RAB6A: variants seen among roughly 807,000 people sequenced by gnomAD.
RAB6A encodes RAB6A, member RAS oncogene family.
Under a neutral mutation model 32.3 loss-of-function variants are expected in RAB6A, and 8 were observed. The observed-to-expected ratio is 0.25, with a 90% CI of 0.15 to 0.45. RAB6A has a LOEUF of 0.45. Ranked by LOEUF, RAB6A falls within the 20% of genes least tolerant of loss-of-function variation. RAB6A has a pLI of 1.00. For missense variants in RAB6A, 104 were observed against 249.4 expected, an observed-to-expected ratio of 0.42 and a Z score of 3.93; for synonymous variants, 73 against 82.1, an observed-to-expected ratio of 0.89 and a Z score of 0.60.
chr11:73,689,895 C>CAAAA (rs5792626), intron 6 of RAB6A, among the ~76,000 whole-genome samples: 6 of 60,914 alleles, frequency 9.8e-5, no homozygotes, highest in Admixed American at 1.8e-4. Context: ...GACTCCGTCT[C>CAAAA]AAAAAAAAAA....
intron 2 of RAB6A, chr11:73,722,336 TATATA>T (rs1946152383): frequency 3.6e-4 from 3 of 8,420 alleles, no homozygotes; most frequent in African/African-American, 1.2e-3. Context: ...TATATATATA[TATATA>T]TATTTTTTTT....
At chr11:73,692,376 G>C (rs374619967) in intron 6 of RAB6A, among the ~76,000 whole-genome samples, 1 of 151,442 alleles carries the variant, frequency 6.6e-6, no homozygotes, top group South Asian at 2.1e-4. Context: ...GGTGGCAGGC[G>C]CCTGTAGTCC....
chr11:73,745,788 C>T (rs905516694), intron 1 of RAB6A, among the ~76,000 whole-genome samples: 8 of 152,044 alleles, frequency 5.3e-5, no homozygotes, highest in Non-Finnish European at 1.2e-4. Flanking sequence ...GCCAAGATCA[C>T]TCCACTGGAC....
chr11:73,738,758 A>G (rs930066230), intron 1 of RAB6A, among the ~76,000 whole-genome samples: 1 of 152,158 alleles, frequency 6.6e-6, no homozygotes, highest in Non-Finnish European at 1.5e-5. Context: ...CAGCCTGGGC[A>G]ACATGGCAAA....
intron 1 of RAB6A, among the ~76,000 whole-genome samples, chr11:73,735,913 C>T (rs1590876721): frequency 1.1e-5 from 1 of 94,868 alleles, no homozygotes; most frequent in South Asian, 4.2e-4. Context: ...GAATCCCAAC[C>T]TTGCCTTAAA....
intron 5 of RAB6A, among the ~76,000 whole-genome samples, chr11:73,714,665 A>G (rs1021816399): frequency 6.8e-6 from 1 of 147,272 alleles, no homozygotes; most frequent in Non-Finnish European, 1.5e-5. Flanking sequence ...CCAACTCAAA[A>G]ATAAATAAAT....
intron 6 of RAB6A, among the ~76,000 whole-genome samples, chr11:73,701,951 G>C (rs1180372764): frequency 6.6e-6 from 1 of 152,076 alleles, no homozygotes; most frequent in Non-Finnish European, 1.5e-5. Context: ...CAGCCCACGA[G>C]GGACAGTTCT....
chr11:73,755,916 G>A (rs574464835), intron 1 of RAB6A, among the ~76,000 whole-genome samples: 2 of 150,498 alleles, frequency 1.3e-5, no homozygotes, highest in African/African-American at 4.9e-5. Flanking sequence ...AAGAGGAGGA[G>A]GAGAAAGAAG....
chr11:73,716,213 G>A (rs926665890), intron 5 of RAB6A, 38 bp downstream of exon 5: 5 of 1,447,330 alleles, frequency 3.5e-6, no homozygotes, highest in African/African-American at 2.8e-5. Flanking sequence ...CTGCATCACA[G>A]AAATCAAACA....
intron 5 of RAB6A, among the ~76,000 whole-genome samples, chr11:73,708,850 C>G (rs1439466368): frequency 6.6e-6 from 1 of 152,126 alleles, no homozygotes; most frequent in Non-Finnish European, 1.5e-5. Context: ...AAGAGTTGTC[C>G]TTATTCTCAA....
At position 73,760,765 on chromosome 11, in the gene RAB6A, G is replaced by A; in HGVS notation, c.-130C>T. 7.6e-7 allele frequency: 1 copy of A among 1,308,816 alleles called. No homozygotes were observed. Among genetic ancestry groups the A allele is most frequent in the Non-Finnish European group, 1.1e-6 (1 of 951,428 alleles). 81.1% of individuals were successfully genotyped at this position (1,308,816 alleles called of 1,614,324 possible). On this transcript the variant is annotated 5_prime_UTR_variant, in exon 1 of 8. Coordinates refer to ENST00000336083, the MANE Select transcript of RAB6A (RefSeq NM_198896.2). ...TCTCTCGGCCCCTGCAAGGCCCGGT[G>A]GAGGAGCCCGGCTGGAGGGCAGCAG...
intron 2 of RAB6A, among the ~76,000 whole-genome samples, chr11:73,723,814 A>C (rs1276789034): frequency 6.6e-6 from 1 of 152,198 alleles, no homozygotes; most frequent in Admixed American, 6.5e-5. Flanking sequence ...AACCAGGAAA[A>C]GGACAATAAA....
At chr11:73,680,225 GA>G (rs1202618172) in intron 6 of RAB6A, among the ~76,000 whole-genome samples, 2 of 152,224 alleles carry the variant, frequency 1.3e-5, no homozygotes, top group African/African-American at 4.8e-5. Flanking sequence ...TAACTGGTGG[GA>G]TAAGACAAAA....
chr11:73,746,437 G>C (rs1028330103), intron 1 of RAB6A, among the ~76,000 whole-genome samples: 1 of 151,982 alleles, frequency 6.6e-6, no homozygotes, highest in African/African-American at 2.4e-5. Flanking sequence ...TTGAGCCCAG[G>C]GGTTCAAAGT....
chr11:73,695,659 C>T (rs1277559376), intron 6 of RAB6A, among the ~76,000 whole-genome samples: 5 of 152,146 alleles, frequency 3.3e-5, no homozygotes, highest in Admixed American at 6.5e-5. Context: ...GGATTACAGG[C>T]GTGAGCCACT....
intron 1 of RAB6A, among the ~76,000 whole-genome samples, chr11:73,732,246 T>C (rs1049004735): frequency 6.6e-6 from 1 of 151,956 alleles, no homozygotes; most frequent in African/African-American, 2.4e-5. Flanking sequence ...ACTGGGTAAA[T>C]CAACATCTCC....
At chr11:73,760,487 C>T in intron 1 of RAB6A, 79 bp downstream of exon 1, 1 of 1,506,782 alleles carries the variant, frequency 6.6e-7, no homozygotes, top group Non-Finnish European at 8.9e-7. Flanking sequence ...AGGGAGCCTC[C>T]GCGGACGGAA....
intron 1 of RAB6A, among the ~76,000 whole-genome samples, chr11:73,750,542 T>TG (rs200057831): frequency 1.3e-5 from 2 of 151,820 alleles, no homozygotes; most frequent in Non-Finnish European, 2.9e-5. Flanking sequence ...TTTTAGTAGA[T>TG]GGGGGGGTTT....
At chr11:73,698,321 A>G (rs1372286648) in intron 6 of RAB6A, among the ~76,000 whole-genome samples, 4 of 152,372 alleles carry the variant, frequency 2.6e-5, no homozygotes, top group Admixed American at 6.5e-5. Flanking sequence ...GAGGCAGAAT[A>G]TAAGGCTTAA....
Sources: allele counts gnomAD v4.1 joint callset (sites outside exome capture counted in the v4.1 genomes callset), GRCh38; gene constraint gnomAD v4.1.1; transcripts MANE v1.5; gene names NCBI Gene and HGNC (gene_info 2026-07-23, HGNC 2026-07-21).